EML4: variants seen among roughly 807,000 people sequenced by gnomAD.
EML4 encodes echinoderm microtubule-associated protein-like 4.
EML4 carries 72 observed loss-of-function variants against 129.0 expected under a neutral mutation model. The observed-to-expected ratio is 0.56, with a 90% CI of 0.46 to 0.68. The LOEUF (loss-of-function observed/expected upper bound fraction) is 0.68. Among genes scored for constraint, EML4 ranks in the 30% least tolerant of loss-of-function variants. EML4 has a pLI of 0.00. For missense variants in EML4, 1,363 were observed against 1,190.6 expected, an observed-to-expected ratio of 1.14 and a Z score of -2.13; for synonymous variants, 532 against 405.0, an observed-to-expected ratio of 1.31 and a Z score of -3.77.
chr2:42,284,920 C>G lies in EML4; in HGVS notation c.1011+217C>G, dbSNP rs574685130. Among the ~76,000 whole-genome samples the G allele has an allele frequency of 5.3e-5, 8 of 152,240 alleles. No homozygotes were observed. The East Asian group carries it at 1.5e-3, about 29-fold the overall frequency. On this transcript the variant is annotated intron_variant, in intron 9 of 22. Coordinates refer to ENST00000318522, the MANE Select transcript of EML4 (RefSeq NM_019063.5). The stretch of plus-strand genomic sequence containing the variant: ...TGTTTTTAAAAAATAAGTGTTCTCC[C>G]TTAAGAAGCTATTTACTGTAAAAAT...
chr2:42,226,734 G>A (rs1558519088), intron 1 of EML4, among the ~76,000 whole-genome samples: 1 of 152,022 alleles, frequency 6.6e-6, no homozygotes, highest in Non-Finnish European at 1.5e-5. Context: ...ATTTTTAAAT[G>A]TTCTTTCTCC....
rs772480968 is a variant in EML4 at position 42,280,934 on chromosome 2, G to T, written c.752G>T (p.Arg251Ile). The T allele has an allele frequency of 6.2e-7, 1 of 1,611,966 alleles. No homozygotes were observed. Among genetic ancestry groups the T allele is most frequent in the African/African-American group, 1.3e-5 (1 of 74,892 alleles). ...GATGTTGACAACTATGATGACATCA[G>T]AACGGAACTGCCTCCTGAGAAGCTC... Reference protein sequence around the residue: ...PSDVDNYDDIRTELPPEKLKL... With the variant: ...PSDVDNYDDIITELPPEKLKL... Residue 251 changes from arginine (R) to isoleucine (I), a missense_variant, in exon 7 of 23, where the codon AGA (arginine) becomes ATA (isoleucine). By Grantham distance (97) the Arg-to-Ile change is moderately conservative (BLOSUM62 -3). Transcript: ENST00000318522.
At chr2:42,328,046 A>T (rs1669902363) in intron 21 of EML4, among the ~76,000 whole-genome samples, 1 of 152,230 alleles carries the variant, frequency 6.6e-6, no homozygotes, top group Non-Finnish European at 1.5e-5. Context: ...TCATTATTCT[A>T]CGTGAAAATG....
chr2:42,290,731 C>T (rs984040009), intron 11 of EML4, among the ~76,000 whole-genome samples: 24 of 151,938 alleles, frequency 1.6e-4, no homozygotes, highest in Non-Finnish European at 2.9e-4. Flanking sequence ...GACCCTGTCT[C>T]AAAAAAATTT....
rs144282685 is a variant in EML4 at position 42,256,525 on chromosome 2, T to C, written c.233T>C (p.Ile78Thr). Reference sequence around the variant, plus strand: ...GGCCAACCAAGCCCTCGAGCAGTTATTCCCATGTCCTGTATAACCAATGGA... The same window carrying C: ...GGCCAACCAAGCCCTCGAGCAGTTACTCCCATGTCCTGTATAACCAATGGA... ...SKGQPSPRAV[I>T]PMSCITNGSG... Residue 78 changes from isoleucine to threonine, a missense_variant, in exon 3 of 23, where the codon ATT becomes ACT. Coordinates refer to ENST00000318522, the MANE Select transcript of EML4 (RefSeq NM_019063.5). The C allele has an allele frequency of 1.1e-5, 18 of 1,607,488 alleles. No individual in the cohort carries two copies. The African/African-American group carries it at 2.0e-4, about 18-fold the overall frequency.
intron 8 of EML4, among the ~76,000 whole-genome samples, chr2:42,283,897 T>C (rs1449150630): frequency 6.6e-6 from 1 of 152,232 alleles, no homozygotes; most frequent in Non-Finnish European, 1.5e-5. Flanking sequence ...AATATCCCTC[T>C]GATGTGTTCT....
intron 1 of EML4, among the ~76,000 whole-genome samples, chr2:42,190,454 A>C (rs1219154441): frequency 6.6e-6 from 1 of 152,212 alleles, no homozygotes; most frequent in Non-Finnish European, 1.5e-5. Flanking sequence ...AAACCAATGA[A>C]TCACAGATAA....
intron 1 of EML4, among the ~76,000 whole-genome samples, chr2:42,244,067 T>TTTC (rs147241048): frequency 2.0e-4 from 15 of 74,150 alleles, no homozygotes; most frequent in East Asian, 2.1e-3. Flanking sequence ...CAATTAATGT[T>TTTC]TTTTTTGTTT....
intron 1 of EML4, among the ~76,000 whole-genome samples, chr2:42,231,728 T>TC (rs1674358164): frequency 6.6e-6 from 1 of 152,192 alleles, no homozygotes; most frequent in Admixed American, 6.5e-5. Context: ...GGTGGGTGGA[T>TC]CACGAGGTCA....
chr2:42,293,662 AGCGCAGTG>A (rs1462560165), intron 11 of EML4, among the ~76,000 whole-genome samples: 1 of 152,152 alleles, frequency 6.6e-6, no homozygotes, highest in Non-Finnish European at 1.5e-5. Flanking sequence ...CCCAGGCTGG[AGCGCAGTG>A]GTGCAATCTC....
chr2:42,224,541 GTCTT>G (rs1673827154), intron 1 of EML4, among the ~76,000 whole-genome samples: 1 of 152,100 alleles, frequency 6.6e-6, no homozygotes, highest in African/African-American at 2.4e-5. Flanking sequence ...GTGGTCATCT[GTCTT>G]TATTTCTCTT....
In EML4 at chr2:42,263,172, T is replaced by C. The variant is rs2104389950; in HGVS notation, c.513-6T>C. The C allele has an allele frequency of 6.2e-7, 1 of 1,608,012 alleles. No homozygotes were observed. Among genetic ancestry groups the C allele is most frequent in the Non-Finnish European group, 8.5e-7 (1 of 1,177,958 alleles). On this transcript the variant is annotated splice_region_variant and splice_polypyrimidine_tract_variant and intron_variant, in intron 4 of 22. Transcript: ENST00000318522. ...TTTTTCTCTAAGAAATTAATGTTCCTTCTAGCATAAAACGACCATCACCAG... is the reference window on the plus strand; with the variant it reads ...TTTTTCTCTAAGAAATTAATGTTCCCTCTAGCATAAAACGACCATCACCAG...
intron 13 of EML4, among the ~76,000 whole-genome samples, chr2:42,299,071 AATTTTTAAGGT>A (rs1238213767): frequency 6.6e-6 from 1 of 152,208 alleles, no homozygotes; most frequent in East Asian, 1.9e-4. Context: ...TGTGTTGTTC[AATTTTTAAGGT>A]ATTTTTAGAT....
chr2:42,174,355 A>G (rs1670449668), intron 1 of EML4, among the ~76,000 whole-genome samples: 1 of 152,060 alleles, frequency 6.6e-6, no homozygotes, highest in South Asian at 2.1e-4. Context: ...CAATGGCACG[A>G]TCTCAGCTCA....
chr2:42,173,460 C>T (rs552322383), intron 1 of EML4, among the ~76,000 whole-genome samples: 10 of 152,202 alleles, frequency 6.6e-5, no homozygotes, highest in African/African-American at 2.4e-4. Context: ...GGATTAACAT[C>T]GAACATGGGC....
At chr2:42,265,080 G>A in intron 6 of EML4, 1 of 874,792 alleles carries the variant, frequency 1.1e-6, no homozygotes, top group South Asian at 1.7e-5. Flanking sequence ...TGAGCTAGAT[G>A]AATCCAGCTA....
intron 10 of EML4, 96 bp downstream of exon 10, chr2:42,286,475 T>C: frequency 1.4e-6 from 1 of 728,290 alleles, no homozygotes; most frequent in Non-Finnish European, 2.5e-6. Context: ...GAAGTGATAA[T>C]CCTGAGTTGA....
At chr2:42,264,659 C>T (rs1035476538) in intron 5 of EML4, 47 bp from the exon 6 acceptor site, 2 of 1,051,382 alleles carry the variant, frequency 1.9e-6, no homozygotes. Context: ...TAATGGTTAG[C>T]CATATAAACT....
intron 1 of EML4, among the ~76,000 whole-genome samples, chr2:42,197,438 A>C (rs866249766): frequency 2.6e-5 from 4 of 152,310 alleles, no homozygotes; most frequent in Middle Eastern, 3.4e-3. Flanking sequence ...ATAGGCAATA[A>C]AAATCACAAG....
Sources: allele counts gnomAD v4.1 joint callset (sites outside exome capture counted in the v4.1 genomes callset), GRCh38; gene constraint gnomAD v4.1.1; transcripts MANE v1.5; gene names NCBI Gene and HGNC (gene_info 2026-07-23, HGNC 2026-07-21).